Variants in MSI2 observed in about 807,000 individuals in gnomAD.
MSI2 encodes the protein RNA-binding protein Musashi homolog 2.
In MSI2, 17 loss-of-function variants were observed where a neutral mutation model predicts 45.6. That is an observed-to-expected ratio of 0.37 (90% CI 0.26 to 0.56). The LOEUF (loss-of-function observed/expected upper bound fraction) is 0.56. Among genes scored for constraint, MSI2 ranks in the 20% least tolerant of loss-of-function variants. MSI2 has a pLI of 0.77. For missense variants in MSI2, 293 were observed against 444.2 expected (o/e 0.66, Z 3.06); for synonymous variants, 156 against 158.2 (o/e 0.99, Z 0.11).
chr17:57,606,221 G>A (rs985769190), intron 8 of MSI2: 2 of 152,442 alleles, frequency 1.3e-5, no homozygotes, highest in Admixed American at 6.5e-5. Flanking sequence ...ACACAGATGT[G>A]ACCTGACTTC....
the MSI2 span, among the ~76,000 whole-genome samples, chr17:57,691,006 C>G: frequency 1.3e-5 from 2 of 152,098 alleles, no homozygotes; most frequent in African/African-American, 4.8e-5. Flanking sequence ...TCTGGTTTTT[C>G]TTTTATTCCA....
intron 6 of MSI2, among the ~76,000 whole-genome samples, chr17:57,515,402 G>A (rs901538878): frequency 1.3e-5 from 2 of 152,074 alleles, no homozygotes; most frequent in African/African-American, 4.8e-5. Flanking sequence ...ATGGAGTTTT[G>A]CCATGTTGGC....
intron 5 of MSI2, among the ~76,000 whole-genome samples, chr17:57,325,603 T>C (rs1913720199): frequency 6.6e-6 from 1 of 152,200 alleles, no homozygotes; most frequent in Non-Finnish European, 1.5e-5. Context: ...CACCACTGGG[T>C]GTGCAGCGGC....
chr17:57,542,477 A>C (rs907041007), intron 7 of MSI2, among the ~76,000 whole-genome samples: 1 of 152,196 alleles, frequency 6.6e-6, no homozygotes. Flanking sequence ...GATTAATGTC[A>C]TGTTAGATGT....
chr17:57,513,055 C>G (rs1270828734), intron 6 of MSI2, among the ~76,000 whole-genome samples: 1 of 144,802 alleles, frequency 6.9e-6, no homozygotes, highest in East Asian at 2.1e-4. Flanking sequence ...CTTACTGCAA[C>G]CTCCACCTCC....
intron 6 of MSI2, among the ~76,000 whole-genome samples, chr17:57,437,666 A>G (rs1052646694): frequency 6.6e-6 from 1 of 152,216 alleles, no homozygotes; most frequent in South Asian, 2.1e-4. Flanking sequence ...TTAACAAGAC[A>G]AAAATAAGGA....
chr17:57,647,392 C>T (rs1340042407), intron 10 of MSI2, among the ~76,000 whole-genome samples: 1 of 148,184 alleles, frequency 6.7e-6, no homozygotes, highest in South Asian at 2.2e-4. Context: ...GAGGTTGCGG[C>T]AAGCCACGAT....
At chr17:57,332,624 A>G (rs771334855) in intron 5 of MSI2, among the ~76,000 whole-genome samples, 13 of 152,266 alleles carry the variant, frequency 8.5e-5, no homozygotes, top group Non-Finnish European at 1.5e-4. Context: ...ACACACAATG[A>G]AAGAGAAAGA....
intron 6 of MSI2, among the ~76,000 whole-genome samples, chr17:57,443,868 C>T (rs1274882638): frequency 6.6e-6 from 1 of 152,168 alleles, no homozygotes; most frequent in Non-Finnish European, 1.5e-5. Context: ...GACAGTAAAC[C>T]TCAGCAGATG....
intron 7 of MSI2, chr17:57,531,783 T>C (rs982004322): frequency 6.6e-6 from 1 of 152,152 alleles, no homozygotes; most frequent in African/African-American, 2.4e-5. Flanking sequence ...ATGGCAGAGG[T>C]GGGGTTGAAA....
intron 2 of MSI2, 59 bp from the exon 3 acceptor site, chr17:57,257,407 T>C (rs1906884775): frequency 2.0e-6 from 2 of 1,017,768 alleles, no homozygotes; most frequent in Admixed American, 4.6e-5. Context: ...AAAATTTGCA[T>C]TGCTTTTTTT....
Position 57,467,090 on chromosome 17 carries a change from G to A in MSI2, c.406-62586G>A, listed in dbSNP as rs1393591932. ...CATCCCTCCCTACTCACCTTGAGAA[G>A]GTCTCTGGGTAGCCAGAAGCTTAGA... is the stretch of plus-strand genomic sequence containing the variant. On this transcript the variant is annotated intron_variant, in intron 6 of 13. Coordinates refer to ENST00000284073, the MANE Select transcript of MSI2 (RefSeq NM_138962.4). 3.9e-5 allele frequency among the ~76,000 whole-genome samples: 6 copies of A among 152,218 alleles called. No homozygotes were observed. The East Asian group carries it at 9.6e-4, about 24-fold the overall frequency.
At chr17:57,278,989 G>T (rs1361105916) in intron 5 of MSI2, 1 of 151,630 alleles carries the variant, frequency 6.6e-6, no homozygotes, top group Admixed American at 6.6e-5. Flanking sequence ...GTCGGTGTCT[G>T]TTGGCTGTAT....
At chr17:57,297,151 G>A (rs1269664099) in intron 5 of MSI2, among the ~76,000 whole-genome samples, 1 of 151,020 alleles carries the variant, frequency 6.6e-6, no homozygotes, top group African/African-American at 2.4e-5. Flanking sequence ...AGGATTACAG[G>A]TGTGAGCCAC....
intron 5 of MSI2, among the ~76,000 whole-genome samples, chr17:57,393,862 A>G (rs954063833): frequency 7.2e-5 from 11 of 151,852 alleles, no homozygotes; most frequent in Non-Finnish European, 1.5e-5. Context: ...TCGTATTTTT[A>G]GTAGAGATGG....
At chr17:57,468,478 G>T (rs1402795158) in intron 6 of MSI2, among the ~76,000 whole-genome samples, 3 of 140,042 alleles carry the variant, frequency 2.1e-5, no homozygotes, top group African/African-American at 8.1e-5. Context: ...CCAAGATTGC[G>T]CCACTGCACT....
chr17:57,301,150 G>T (rs1911386187), intron 5 of MSI2, among the ~76,000 whole-genome samples: 1 of 152,192 alleles, frequency 6.6e-6, no homozygotes, highest in South Asian at 2.1e-4. Flanking sequence ...AAGTGGTGTG[G>T]ATACAGGGAT....
intron 7 of MSI2, among the ~76,000 whole-genome samples, chr17:57,554,892 T>C (rs543765328): frequency 6.6e-6 from 1 of 152,394 alleles, no homozygotes; most frequent in East Asian, 1.9e-4. Flanking sequence ...ATTTTCATTC[T>C]TGAGGCATGA....
intron 6 of MSI2, among the ~76,000 whole-genome samples, chr17:57,423,488 A>G (rs188115275): frequency 1.8e-4 from 28 of 152,286 alleles, no homozygotes; most frequent in African/African-American, 6.5e-4. Context: ...CTGTAGCTGC[A>G]TTCTATTCTG....
Sources: gnomAD v4.1 joint callset for allele counts (sites outside exome capture counted in the v4.1 genomes callset) on GRCh38, gnomAD v4.1.1 for gene constraint, MANE v1.5 for transcripts, NCBI Gene and HGNC (gene_info 2026-07-23, HGNC 2026-07-21) for gene names.